SPRYD7: variants seen among roughly 807,000 people sequenced by gnomAD.
SPRYD7 encodes SPRY domain-containing protein 7.
SPRYD7 carries 14 observed loss-of-function variants against 23.8 expected under a neutral mutation model. The observed-to-expected ratio is 0.59, with a 90% CI of 0.39 to 0.92. SPRYD7 has a LOEUF of 0.92. Among genes scored for constraint, SPRYD7 ranks in the 40% least tolerant of loss-of-function variants. The pLI is 0.00. For missense variants in SPRYD7, 194 were observed against 241.7 expected (o/e 0.80, Z 1.31); for synonymous variants, 75 against 84.9 (o/e 0.88, Z 0.64).
At chr13:49,919,377 C>A (rs1272759400) in intron 4 of SPRYD7, among the ~76,000 whole-genome samples, 3 of 152,100 alleles carry the variant, frequency 2.0e-5, no homozygotes, top group Non-Finnish European at 4.4e-5. Context: ...AACCCCATCT[C>A]TACTAAAAAT....
At chr13:49,934,328 G>A (rs1268931413) in intron 1 of SPRYD7, among the ~76,000 whole-genome samples, 1 of 152,054 alleles carries the variant, frequency 6.6e-6, no homozygotes, top group African/African-American at 2.4e-5. Flanking sequence ...GAGGCTGAGA[G>A]GCAGGCAGAT....
intron 4 of SPRYD7, among the ~76,000 whole-genome samples, chr13:49,917,469 G>C (rs1421300944): frequency 6.6e-6 from 1 of 150,634 alleles, no homozygotes; most frequent in Non-Finnish European, 1.5e-5. Flanking sequence ...TACAGGCTGA[G>C]TGTAAGAAGA....
chr13:49,924,003 G>A (rs1955849851), intron 3 of SPRYD7, among the ~76,000 whole-genome samples: 1 of 149,268 alleles, frequency 6.7e-6, no homozygotes, highest in Non-Finnish European at 1.5e-5. Context: ...TTTTTTTGAG[G>A]CAGAGTTTCG....
chr13:49,918,402 T>C (rs1400641968), intron 4 of SPRYD7, among the ~76,000 whole-genome samples: 1 of 21,914 alleles, frequency 4.6e-5, no homozygotes, highest in Non-Finnish European at 1.7e-4. Context: ...TTAAATTAGT[T>C]CTTTTTTTTT....
intron 4 of SPRYD7, among the ~76,000 whole-genome samples, chr13:49,919,476 G>A (rs552186068): frequency 4.6e-5 from 7 of 152,148 alleles, no homozygotes; most frequent in Admixed American, 2.6e-4. Flanking sequence ...CCTGGGAGGC[G>A]GAGGTTTCAG....
intron 1 of SPRYD7, among the ~76,000 whole-genome samples, chr13:49,933,385 G>T (rs1382562986): frequency 6.6e-6 from 1 of 152,100 alleles, no homozygotes; most frequent in African/African-American, 2.4e-5. Flanking sequence ...CAGATTACTT[G>T]AGGTCAGGAG....
Position 49,936,244 on chromosome 13 carries a change from G to T in SPRYD7, c.-9C>A. On this transcript the variant is annotated 5_prime_UTR_variant, in exon 1 of 5. Coordinates refer to ENST00000361840, the MANE Select transcript of SPRYD7 (RefSeq NM_020456.4). ...AACACCGAGGTGGCCATCGCGCAGG[G>T]ACCACCGACTCCGCCGCCGTCCCTA... The T allele has an allele frequency of 6.3e-7, 1 of 1,594,300 alleles. No individual in the cohort carries two copies. Among genetic ancestry groups the T allele is most frequent in the Non-Finnish European group, 8.5e-7 (1 of 1,172,738 alleles).
intron 1 of SPRYD7, among the ~76,000 whole-genome samples, chr13:49,931,477 G>C (rs1955948883): frequency 6.6e-6 from 1 of 151,988 alleles, no homozygotes; most frequent in South Asian, 2.1e-4. Flanking sequence ...ACCGCGCCTG[G>C]CCAAGTTTTC....
At chr13:49,917,598 G>T (rs1382963589) in intron 4 of SPRYD7, among the ~76,000 whole-genome samples, 1 of 152,122 alleles carries the variant, frequency 6.6e-6, no homozygotes, top group East Asian at 1.9e-4. Context: ...GGTTTAATTG[G>T]ACTGATTTAT....
chr13:49,925,654 TG>T (rs1250225455), intron 3 of SPRYD7, among the ~76,000 whole-genome samples: 1 of 148,402 alleles, frequency 6.7e-6, no homozygotes, highest in African/African-American at 2.5e-5. Flanking sequence ...TAGTAAAAAA[TG>T]AAAAAAATTA....
Position 49,931,051 on chromosome 13 carries a change from T to C in SPRYD7, c.190A>G (p.Lys64Glu), listed in dbSNP as rs1405749381. The C allele has an allele frequency of 1.2e-6, 2 of 1,613,128 alleles. No homozygotes were observed. The highest frequency in any genetic ancestry group is 1.7e-6 in the Non-Finnish European group (2 of 1,179,578). The change falls in exon 2 of 5, where the codon AAA becomes GAA. Residue 64 changes from lysine (K) to glutamate (E), a missense_variant. Transcript: ENST00000361840. ...TGGATTTTGAATTCAAAATAGCTTT[T>C]GTTTTGATGTAAAGGTGCGCTGGCT... ...CLASAPLHQN[K>E]SYFEFKIQST...
Position 49,913,428 on chromosome 13 carries a change from A to G in SPRYD7, c.*1635T>C, listed in dbSNP as rs1955714494. On this transcript the variant is annotated 3_prime_UTR_variant, in exon 5 of 5. Transcript: ENST00000361840. ...AGGTGAGACTCTGTCTCAAAAAAAA[A>G]ACGAGAAAAAAAAAAAAAGAAAGAA... 1 of 151,634 alleles carries G rather than the reference A, an allele frequency of 6.6e-6. No individual in the cohort carries two copies. The highest frequency in any genetic ancestry group is 2.4e-5 in the African/African-American group (1 of 41,204). 9.4% of individuals were successfully genotyped at this position (151,634 alleles called of 1,614,324 possible).
chr13:49,930,948 A>T, intron 2 of SPRYD7, 70 bp downstream of exon 2: 1 of 931,862 alleles, frequency 1.1e-6, no homozygotes, highest in Non-Finnish European at 1.6e-6. Context: ...AATCTTTTTT[A>T]TGTGTTACAA....
At chr13:49,934,580 AAAG>A (rs1041359558) in intron 1 of SPRYD7, among the ~76,000 whole-genome samples, 4 of 151,558 alleles carry the variant, frequency 2.6e-5, no homozygotes, top group Admixed American at 6.6e-5. Context: ...AAAAAAAAGA[AAAG>A]AAGAAGAAAA....
intron 2 of SPRYD7, among the ~76,000 whole-genome samples, chr13:49,928,541 A>C (rs979255945): frequency 6.6e-6 from 1 of 152,244 alleles, no homozygotes; most frequent in African/African-American, 2.4e-5. Flanking sequence ...GGAACAGTGC[A>C]AATGAGGATT....
intron 1 of SPRYD7, chr13:49,935,606 C>T (rs1451412698): frequency 6.6e-6 from 1 of 152,248 alleles, no homozygotes; most frequent in Non-Finnish European, 1.5e-5. Context: ...GTTGAAATGG[C>T]AAGTTCTGAC....
chr13:49,925,547 C>G (rs932892727), intron 3 of SPRYD7, among the ~76,000 whole-genome samples: 2 of 152,064 alleles, frequency 1.3e-5, no homozygotes, highest in African/African-American at 4.8e-5. Flanking sequence ...CACGGTGGCT[C>G]ACGCCTGTAA....
intron 3 of SPRYD7, 127 bp downstream of exon 3, chr13:49,927,792 C>T (rs1955898923): frequency 3.2e-6 from 3 of 936,854 alleles, no homozygotes; most frequent in Non-Finnish European, 4.8e-6. Flanking sequence ...GAAAATGCAC[C>T]ATCTCATTAG....
chr13:49,928,020 T>C lies in SPRYD7; in HGVS notation c.289A>G (p.Met97Val), dbSNP rs137909260. 14 of 1,614,104 alleles carry C rather than the reference T, an allele frequency of 8.7e-6. No individual in the cohort carries two copies. In the African/African-American group the frequency reaches 1.6e-4, roughly 18 times the overall value. ...NLNQIPLGRD[M>V]HSLVMRNDGA... ...TCATTTCTCATCACCAGACTGTGCA[T>C]ATCTCGGCCAAGAGGAATCTGATTC... The change falls in exon 3 of 5, where the codon ATG becomes GTG. Residue 97 changes from methionine (M) to valine (V), a missense_variant. Transcript: ENST00000361840.
Sources: gnomAD v4.1 joint callset for allele counts (sites outside exome capture counted in the v4.1 genomes callset) on GRCh38, gnomAD v4.1.1 for gene constraint, MANE v1.5 for transcripts, NCBI Gene and HGNC (gene_info 2026-07-23, HGNC 2026-07-21) for gene names.